PTPRK: variants seen among roughly 807,000 people sequenced by gnomAD.
PTPRK encodes receptor-type tyrosine-protein phosphatase kappa.
Under a neutral mutation model 178.0 loss-of-function variants are expected in PTPRK, and 75 were observed. The observed-to-expected ratio is 0.42, with a 90% CI of 0.35 to 0.51. The LOEUF (loss-of-function observed/expected upper bound fraction) is 0.51. Ranked by LOEUF, PTPRK falls within the 20% of genes least tolerant of loss-of-function variation. PTPRK has a pLI of 0.02. For synonymous variants in PTPRK, 637 were observed against 620.6 expected (o/e 1.03, Z -0.39); for missense variants, 1,441 against 1,797.8 (o/e 0.80, Z 3.59).
At chr6:128,228,659 CAA>C (rs67092827) in intron 5 of PTPRK, among the ~76,000 whole-genome samples, 121 of 111,656 alleles carry the variant, frequency 1.1e-3, no homozygotes, top group Non-Finnish European at 1.5e-3. Context: ...GACTCCATCT[CAA>C]AAAAAAAAAA....
intron 1 of PTPRK, among the ~76,000 whole-genome samples, chr6:128,496,170 C>A (rs1229408209): frequency 6.6e-6 from 1 of 152,052 alleles, no homozygotes; most frequent in Non-Finnish European, 1.5e-5. Context: ...TGAAGGTGCT[C>A]AATATACAGC....
intron 21 of PTPRK, among the ~76,000 whole-genome samples, chr6:127,986,304 C>T (rs543037440): frequency 4.6e-5 from 7 of 152,116 alleles, no homozygotes; most frequent in Non-Finnish European, 7.4e-5. Flanking sequence ...GATTTTAATG[C>T]CTTGCTTATC....
chr6:128,414,110 C>G (rs563450658), intron 1 of PTPRK, among the ~76,000 whole-genome samples: 1 of 152,264 alleles, frequency 6.6e-6, no homozygotes, highest in South Asian at 2.1e-4. Flanking sequence ...CTCTAAGGCA[C>G]AATCCTATTC....
At chr6:128,433,187 C>T (rs1845058862) in intron 1 of PTPRK, among the ~76,000 whole-genome samples, 2 of 152,284 alleles carry the variant, frequency 1.3e-5, no homozygotes, top group South Asian at 2.1e-4. Context: ...CCCTACTGTG[C>T]TATCAAACAC....
chr6:128,068,838 T>C (rs547679969), intron 11 of PTPRK, among the ~76,000 whole-genome samples: 3 of 151,998 alleles, frequency 2.0e-5, no homozygotes, highest in Non-Finnish European at 2.9e-5. Context: ...ATAAATTGTA[T>C]GCAGGGCTGC....
intron 7 of PTPRK, among the ~76,000 whole-genome samples, chr6:128,091,306 G>A (rs1254894930): frequency 1.3e-5 from 2 of 152,096 alleles, no homozygotes; most frequent in Non-Finnish European, 2.9e-5. Flanking sequence ...GAAGAAAGAC[G>A]AGGCTTTCTA....
chr6:128,079,367 A>G (rs1784402762), intron 10 of PTPRK, among the ~76,000 whole-genome samples: 1 of 152,012 alleles, frequency 6.6e-6, no homozygotes, highest in South Asian at 2.1e-4. Context: ...TATAGTGTAG[A>G]AAGACACAGT....
chr6:128,026,748 T>A (rs879853541), intron 13 of PTPRK, among the ~76,000 whole-genome samples: 2 of 152,212 alleles, frequency 1.3e-5, no homozygotes, highest in African/African-American at 4.8e-5. Flanking sequence ...ATTATTCATT[T>A]TATATCATTT....
At chr6:128,081,010 G>T (rs1014319134) in intron 10 of PTPRK, among the ~76,000 whole-genome samples, 70 of 151,804 alleles carry the variant, frequency 4.6e-4, no homozygotes, top group African/African-American at 1.7e-3. Flanking sequence ...AGCCTTGAGA[G>T]ACATACACAC....
chr6:128,109,440 A>G (rs1790277034), intron 7 of PTPRK, among the ~76,000 whole-genome samples: 1 of 152,112 alleles, frequency 6.6e-6, no homozygotes. Context: ...GCTATATGAC[A>G]ACAATTTAAA....
intron 2 of PTPRK, among the ~76,000 whole-genome samples, chr6:128,360,341 C>T (rs796763846): frequency 1.6e-4 from 24 of 151,828 alleles, no homozygotes; most frequent in African/African-American, 5.5e-4. Flanking sequence ...CTCTGTATTT[C>T]AGATGAGACA....
intron 2 of PTPRK, among the ~76,000 whole-genome samples, chr6:128,328,308 T>A (rs1829837292): frequency 6.6e-6 from 1 of 152,186 alleles, no homozygotes; most frequent in Non-Finnish European, 1.5e-5. Flanking sequence ...AATAAATTGA[T>A]AACTGGCACC....
intron 1 of PTPRK, among the ~76,000 whole-genome samples, chr6:128,403,375 C>T (rs1841266509): frequency 6.6e-6 from 1 of 152,148 alleles, no homozygotes; most frequent in Non-Finnish European, 1.5e-5. Context: ...TAAGTATGGG[C>T]CATACATCAT....
At chr6:128,032,264 C>T (rs1775468977) in intron 13 of PTPRK, among the ~76,000 whole-genome samples, 1 of 152,162 alleles carries the variant, frequency 6.6e-6, no homozygotes, top group Non-Finnish European at 1.5e-5. Flanking sequence ...TCTGCCCCAC[C>T]TTACCCTCTT....
At chr6:128,378,486 T>C (rs1245975504) in intron 2 of PTPRK, among the ~76,000 whole-genome samples, 3 of 151,964 alleles carry the variant, frequency 2.0e-5, no homozygotes, top group Non-Finnish European at 4.4e-5. Flanking sequence ...ATGAGACTTA[T>C]GTATAATTTC....
chr6:128,503,063 C>T (rs781040160), intron 1 of PTPRK, among the ~76,000 whole-genome samples: 2 of 152,100 alleles, frequency 1.3e-5, no homozygotes, highest in Non-Finnish European at 2.9e-5. Context: ...CCCGCCTCTA[C>T]TAAAAATACA....
At chr6:128,430,161 G>A (rs1046096950) in intron 1 of PTPRK, among the ~76,000 whole-genome samples, 3 of 149,144 alleles carry the variant, frequency 2.0e-5, no homozygotes, top group African/African-American at 7.4e-5. Context: ...TTAGCAATGA[G>A]TTAAGAAAGA....
In PTPRK at chr6:128,194,288, G is replaced by A. The variant is rs139032504; in HGVS notation, c.869-9563C>T. ...TTTTTCGTACAGACGGGGTTTCACCGTGTTAGCCAGGATGGTCTCGATCTC... is the reference window on the plus strand; with the variant it reads ...TTTTTCGTACAGACGGGGTTTCACCATGTTAGCCAGGATGGTCTCGATCTC... On this transcript the variant is annotated intron_variant, in intron 6 of 29. Transcript: ENST00000368226. 5.1e-3 allele frequency among the ~76,000 whole-genome samples: 780 copies of A among 151,776 alleles called. 2 individuals carry two copies. Among genetic ancestry groups the A allele is most frequent in the African/African-American group, 0.018 (728 of 41,374 alleles).
At chr6:128,253,850 A>C (rs1249337104) in intron 3 of PTPRK, among the ~76,000 whole-genome samples, 1 of 152,236 alleles carries the variant, frequency 6.6e-6, no homozygotes, top group South Asian at 2.1e-4. Context: ...ATCTGATGAC[A>C]GTATGCACTT....
Sources: gnomAD v4.1 joint callset for allele counts (sites outside exome capture counted in the v4.1 genomes callset) on GRCh38, gnomAD v4.1.1 for gene constraint, MANE v1.5 for transcripts, NCBI Gene and HGNC (gene_info 2026-07-23, HGNC 2026-07-21) for gene names.